Variants in NBAS observed in about 807,000 individuals in gnomAD.
The protein encoded by NBAS is NBAS subunit of NRZ tethering complex.
In NBAS, 219 loss-of-function variants were observed where a neutral mutation model predicts 302.5. That is an observed-to-expected ratio of 0.72 (90% CI 0.65 to 0.81). The LOEUF (loss-of-function observed/expected upper bound fraction) is 0.81, where lower values mean the gene tolerates loss of function less well. NBAS is among the 30% of genes least tolerant of loss of function. The pLI is 0.00. For missense variants in NBAS, 2,932 were observed against 2,841.6 expected, an observed-to-expected ratio of 1.03 and a Z score of -0.72; for synonymous variants, 1,118 against 1,021.6, an observed-to-expected ratio of 1.09 and a Z score of -1.80.
chr2:14,846,141 G>A, the NBAS span, among the ~76,000 whole-genome samples: 12 of 152,048 alleles, frequency 7.9e-5, no homozygotes, highest in Non-Finnish European at 1.8e-4. Context: ...ATAAAGAAAG[G>A]ACCTTAAAAG....
chr2:15,031,819 T>C, the NBAS span, among the ~76,000 whole-genome samples: 14 of 152,218 alleles, frequency 9.2e-5, no homozygotes, highest in Admixed American at 2.6e-4. Context: ...GCAAATGATG[T>C]GGGGTCAGAT....
chr2:15,391,837 C>T (rs1303403797), intron 28 of NBAS, among the ~76,000 whole-genome samples: 2 of 148,298 alleles, frequency 1.3e-5, no homozygotes, highest in African/African-American at 5.0e-5. Context: ...GAAAAAAATG[C>T]ATGCTAGGAG....
intron 40 of NBAS, among the ~76,000 whole-genome samples, chr2:15,301,367 C>G (rs770636695): frequency 6.6e-6 from 1 of 152,164 alleles, no homozygotes; most frequent in Non-Finnish European, 1.5e-5. Flanking sequence ...GCAGAATGAA[C>G]GTGAAAGGTA....
rs1050920889 is a variant in NBAS, at chr2:15,384,251, C to A, written c.3258-934G>T. On this transcript the variant is annotated intron_variant, in intron 28 of 51. Transcript: ENST00000281513. Reference sequence around the variant, plus strand: ...CCATAGCAGGGGAAAGGGTTTTGTTCCCAAATTCACCCATAGTCACAAATT... The same window carrying A: ...CCATAGCAGGGGAAAGGGTTTTGTTACCAAATTCACCCATAGTCACAAATT... 2.0e-5 allele frequency among the ~76,000 whole-genome samples: 3 copies of A among 152,138 alleles called. No individual in the cohort carries two copies. The South Asian group carries it at 6.2e-4, about 32-fold the overall frequency.
At chr2:14,960,428 T>G in the NBAS span, among the ~76,000 whole-genome samples, 2 of 152,284 alleles carry the variant, frequency 1.3e-5, no homozygotes, top group African/African-American at 4.8e-5. Context: ...ATTTGTAGAG[T>G]GTGTTCTATT....
At chr2:15,196,449 C>T (rs185621142) in intron 48 of NBAS, among the ~76,000 whole-genome samples, 1 of 152,116 alleles carries the variant, frequency 6.6e-6, no homozygotes, top group African/African-American at 2.4e-5. Flanking sequence ...CCAGAAATTG[C>T]TCTGTATTAT....
intron 47 of NBAS, among the ~76,000 whole-genome samples, chr2:15,222,485 A>C (rs1294471476): frequency 6.6e-6 from 1 of 152,194 alleles, no homozygotes; most frequent in Admixed American, 6.5e-5. Context: ...AAAGCCCCCA[A>C]TATGGTGAAT....
At chr2:15,169,254 G>C (rs1664179133) in intron 51 of NBAS, among the ~76,000 whole-genome samples, 1 of 152,116 alleles carries the variant, frequency 6.6e-6, no homozygotes, top group Non-Finnish European at 1.5e-5. Context: ...AAAACACTTA[G>C]GTTGAACTCC....
At chr2:15,518,728 A>C (rs939797801) in intron 9 of NBAS, among the ~76,000 whole-genome samples, 2 of 152,186 alleles carry the variant, frequency 1.3e-5, no homozygotes, top group Non-Finnish European at 2.9e-5. Flanking sequence ...GGCAATTTAC[A>C]AAAGAGAGTT....
In NBAS at chr2:15,535,523, G is replaced by GAAATAAATAAAT. The variant is rs58852086; in HGVS notation, c.647+883_648-883dup. The stretch of plus-strand genomic sequence containing the variant: ...GGCGACAGAGCAAGACTCCGTCTCA[G>GAAATAAATAAAT]AAATAAATAAATAAATAAATAAATA... On this transcript the variant is annotated intron_variant, in intron 8 of 51. Coordinates refer to ENST00000281513, the MANE Select transcript of NBAS (RefSeq NM_015909.4). Among the ~76,000 whole-genome samples, 715 of 99,772 alleles carry GAAATAAATAAAT rather than the reference G, an allele frequency of 7.2e-3. 5 individuals are homozygous for GAAATAAATAAAT. Among genetic ancestry groups the GAAATAAATAAAT allele is most frequent in the African/African-American group, 0.019 (442 of 22,836 alleles). The allele number at this position is 99,772 out of a possible 152,430, so 65.5% of individuals were successfully genotyped here.
the NBAS span, among the ~76,000 whole-genome samples, chr2:15,057,754 A>G: frequency 6.6e-6 from 1 of 152,230 alleles, no homozygotes; most frequent in Middle Eastern, 3.2e-3. Flanking sequence ...AATGCTGTTA[A>G]TTATTCCTTT....
chr2:15,240,446 CAAAA>C (rs1175235771), intron 44 of NBAS, among the ~76,000 whole-genome samples: 18 of 75,382 alleles, frequency 2.4e-4, no homozygotes, highest in South Asian at 3.4e-4. Flanking sequence ...ACTAAAAATA[CAAAA>C]AAAAAAAAAA....
At chr2:15,494,663 A>T (rs1412651681) in intron 11 of NBAS, among the ~76,000 whole-genome samples, 1 of 152,198 alleles carries the variant, frequency 6.6e-6, no homozygotes, top group Non-Finnish European at 1.5e-5. Context: ...CATCCACATT[A>T]TATAAATGCT....
chr2:15,183,128 CA>C (rs1664908506), intron 50 of NBAS, among the ~76,000 whole-genome samples: 1 of 152,160 alleles, frequency 6.6e-6, no homozygotes, highest in Admixed American at 6.5e-5. Context: ...TTAAACTCGT[CA>C]ACTTCCAAGT....
Position 15,167,251 on chromosome 2 carries a change from A to G in NBAS, c.6913T>C (p.Ser2305Pro), listed in dbSNP as rs1201773199. 1 of 1,614,242 alleles carries G rather than the reference A, an allele frequency of 6.2e-7. No individual in the cohort carries two copies. The highest frequency in any genetic ancestry group is 2.2e-5 in the East Asian group (1 of 44,878). The change falls in exon 52 of 52, where the codon TCC (serine) becomes CCC (proline). Residue 2305 changes from serine to proline, a missense_variant. Physicochemically the swap from Ser to Pro is moderately conservative, Grantham distance 74. Coordinates refer to ENST00000281513, the MANE Select transcript of NBAS (RefSeq NM_015909.4). ...LDAKLLVKCV[S>P]TPFYPRIVDH... is the part of the protein sequence containing the mutation. ...ACAATACGTGGATAGAAGGGAGTGG[A>G]GACACACTTCACCAGCAGCTTGGCA...
chr2:14,801,236 T>A, the NBAS span, among the ~76,000 whole-genome samples: 7 of 152,246 alleles, frequency 4.6e-5, no homozygotes, highest in South Asian at 1.5e-3. Context: ...TTTGCTTTGG[T>A]TAGGCTTGGA....
the NBAS span, among the ~76,000 whole-genome samples, chr2:15,129,727 A>C: frequency 6.6e-6 from 1 of 152,080 alleles, no homozygotes; most frequent in African/African-American, 2.4e-5. Flanking sequence ...GGCTGGGTAC[A>C]TTTCACCAGC....
chr2:14,890,824 AAAACAAAC>A, the NBAS span: 12 of 160,884 alleles, frequency 7.5e-5, no homozygotes, highest in Admixed American at 3.9e-4. Flanking sequence ...ACTCTGTCTC[AAAACAAAC>A]AAACAAACAA....
chr2:15,311,780 T>C (rs1671288503), intron 38 of NBAS, among the ~76,000 whole-genome samples: 1 of 152,094 alleles, frequency 6.6e-6, no homozygotes, highest in South Asian at 2.1e-4. Flanking sequence ...CAAGAGAGGA[T>C]TCAGAGTCAC....
Sources: gnomAD v4.1 joint callset for allele counts (sites outside exome capture counted in the v4.1 genomes callset) on GRCh38, gnomAD v4.1.1 for gene constraint, MANE v1.5 for transcripts, NCBI Gene and HGNC (gene_info 2026-07-23, HGNC 2026-07-21) for gene names.